The following PLD1 variants were observed in gnomAD, a reference collection of about 807,000 sequenced individuals.
The protein encoded by PLD1 is choline phosphatase 1.
In PLD1, 112 loss-of-function variants were observed where a neutral mutation model predicts 137.1. The observed-to-expected ratio is 0.82, with a 90% CI of 0.70 to 0.96. PLD1 has a LOEUF of 0.96. PLD1 is among the 40% of genes least tolerant of loss of function. The pLI is 0.00. For missense variants in PLD1, 1,321 were observed against 1,342.0 expected (o/e 0.98, Z 0.24); for synonymous variants, 431 against 454.7 (o/e 0.95, Z 0.66).
intron 8 of PLD1, among the ~76,000 whole-genome samples, chr3:171,718,770 G>T (rs557412835): frequency 6.6e-6 from 1 of 152,160 alleles, no homozygotes; most frequent in South Asian, 2.1e-4. Flanking sequence ...ATAACATGAG[G>T]ATAACATAAG....
At chr3:171,803,070 C>T (rs1435921452) in intron 1 of PLD1, among the ~76,000 whole-genome samples, 5 of 151,984 alleles carry the variant, frequency 3.3e-5, no homozygotes, top group Admixed American at 2.6e-4. Context: ...TAAGAAGTTC[C>T]CAGGTGATTT....
chr3:171,644,457 T>C (rs1736021494), intron 22 of PLD1, among the ~76,000 whole-genome samples: 1 of 152,220 alleles, frequency 6.6e-6, no homozygotes, highest in Non-Finnish European at 1.5e-5. Context: ...ATTCCGGGAA[T>C]TTATTTACTA....
At chr3:171,715,222 C>T (rs551738274) in intron 8 of PLD1, among the ~76,000 whole-genome samples, 4 of 152,110 alleles carry the variant, frequency 2.6e-5, no homozygotes, top group Non-Finnish European at 5.9e-5. Flanking sequence ...GTGCACTTTC[C>T]CCAAAGAATG....
In PLD1 at chr3:171,704,018, G is replaced by A. The variant is rs538669969; in HGVS notation, c.1146-4192C>T. Among the ~76,000 whole-genome samples, 3 of 152,312 alleles carry A rather than the reference G, an allele frequency of 2.0e-5. No individual in the cohort carries two copies. The East Asian group carries it at 5.8e-4, about 29-fold the overall frequency. ...AAATAAAAACCCATCTTTCTGGCTAGAAGACTAAAAAGGGAAGCCATGGGA... is the reference window on the plus strand; with the variant it reads ...AAATAAAAACCCATCTTTCTGGCTAAAAGACTAAAAAGGGAAGCCATGGGA... On this transcript the variant is annotated intron_variant, in intron 11 of 26. Transcript: ENST00000351298.
At position 171,738,188 on chromosome 3, in the gene PLD1, C is replaced by T. The variant is rs1719518959; in HGVS notation, c.-31-106G>A. Reference sequence around the variant, plus strand: ...GATACAGCATATGGAAACAATTCAGCCTGCTCTGTGTGAGCCTCAGTTATC... The same window carrying T: ...GATACAGCATATGGAAACAATTCAGTCTGCTCTGTGTGAGCCTCAGTTATC... On this transcript the variant is annotated intron_variant, in intron 1 of 26. Transcript: ENST00000351298. The T allele has an allele frequency of 4.9e-6, 3 of 616,284 alleles. No homozygotes were observed. In the East Asian group the frequency reaches 8.6e-5, roughly 18 times the overall value. The allele number at this position is 616,284 out of a possible 1,614,324, so 38.2% of individuals were successfully genotyped here. A position where few individuals can be genotyped will look rare whatever the true frequency, so the allele number is the denominator to read the frequency against.
intron 1 of PLD1, among the ~76,000 whole-genome samples, chr3:171,746,274 G>C (rs952248558): frequency 6.6e-6 from 1 of 152,222 alleles, no homozygotes; most frequent in Non-Finnish European, 1.5e-5. Context: ...CTCGCAGCGC[G>C]GGACTGGCGG....
At chr3:171,721,478 T>G (rs903479113) in intron 8 of PLD1, 1 of 152,272 alleles carries the variant, frequency 6.6e-6, no homozygotes, top group Non-Finnish European at 1.5e-5. Flanking sequence ...TCTTGGCTGA[T>G]GGCTGCTCCT....
chr3:171,787,109 C>T (rs1341540668), intron 1 of PLD1, among the ~76,000 whole-genome samples: 1 of 152,194 alleles, frequency 6.6e-6, no homozygotes, highest in Non-Finnish European at 1.5e-5. Context: ...GTCAACCAAA[C>T]ATGGTCCCTG....
chr3:171,693,086 T>C (rs1715353708), intron 12 of PLD1, among the ~76,000 whole-genome samples: 2 of 152,152 alleles, frequency 1.3e-5, no homozygotes, highest in South Asian at 2.1e-4. Context: ...TAAAAGAAAA[T>C]AGACAAGGTC....
chr3:171,639,352 A>G (rs1243681805), intron 23 of PLD1, among the ~76,000 whole-genome samples: 1 of 132,592 alleles, frequency 7.5e-6, no homozygotes, highest in Non-Finnish European at 1.5e-5. Context: ...AAAGATATAT[A>G]TGAATATATA....
chr3:171,717,273 AT>A (rs978359270), intron 8 of PLD1, among the ~76,000 whole-genome samples: 1 of 152,214 alleles, frequency 6.6e-6, no homozygotes, highest in Non-Finnish European at 1.5e-5. Flanking sequence ...TGGGAATAGC[AT>A]TGAATCTGTA....
chr3:171,661,943 C>T, intron 20 of PLD1, 117 bp downstream of exon 20: 1 of 568,894 alleles, frequency 1.8e-6, no homozygotes, highest in Non-Finnish European at 3.2e-6. Context: ...CAGCACTTTT[C>T]ACGCCTCAAA....
chr3:171,643,770 T>C (rs530927282), intron 22 of PLD1, among the ~76,000 whole-genome samples: 1 of 152,010 alleles, frequency 6.6e-6, no homozygotes, highest in Non-Finnish European at 1.5e-5. Flanking sequence ...AATCAGATAA[T>C]ATTAGAAATG....
intron 16 of PLD1, among the ~76,000 whole-genome samples, chr3:171,682,168 A>AAAGAAAGAAAGAAAG (rs1241340317): frequency 1.8e-4 from 19 of 105,730 alleles, no homozygotes; most frequent in South Asian, 6.1e-4. Flanking sequence ...AAGAAAGAAA[A>AAAGAAAGAAAGAAAG]AGAAAGAAAG....
rs1472841187 is a variant in PLD1, at chr3:171,612,482, C to T, written c.2729-50G>A. 3 of 1,553,792 alleles carry T rather than the reference C, an allele frequency of 1.9e-6. No individual in the cohort carries two copies. The highest frequency in any genetic ancestry group is 3.4e-5 in the Admixed American group (2 of 59,666). On this transcript the variant is annotated intron_variant, in intron 24 of 26. Transcript: ENST00000351298. This position sits in a 1 kb window ranked among gnomAD's most constrained non-coding sequence, Gnocchi z 4.1. ...AACAACCTTCCTGTTGTGGCAGACA[C>T]TGTTGGTTGCCCTCCCAACTCAATT...
rs567820412 is a variant in PLD1, at chr3:171,683,168, T to G, written c.1867+3517A>C. On this transcript the variant is annotated intron_variant, in intron 16 of 26. Transcript: ENST00000351298. ...GTGGGGCCAAAGATTTGGAGTCCTC[T>G]CCATCTCTCACATCTTGTATCTAGT... Among the ~76,000 whole-genome samples the G allele has an allele frequency of 7.9e-5, 12 of 152,286 alleles. No individual in the cohort carries two copies. The East Asian group carries it at 2.1e-3, about 27-fold the overall frequency.
intron 1 of PLD1, among the ~76,000 whole-genome samples, chr3:171,796,277 A>G (rs907292206): frequency 1.3e-5 from 2 of 152,258 alleles, no homozygotes; most frequent in East Asian, 1.9e-4. Context: ...GATGTAAGAA[A>G]TAGCCAAAGA....
At chr3:171,777,435 T>A (rs1217247344) in intron 1 of PLD1, among the ~76,000 whole-genome samples, 1 of 152,220 alleles carries the variant, frequency 6.6e-6, no homozygotes, top group Non-Finnish European at 1.5e-5. Context: ...AAGCCCTTGA[T>A]GATTTACCTT....
intron 25 of PLD1, among the ~76,000 whole-genome samples, chr3:171,605,661 G>T (rs891481566): frequency 2.0e-5 from 3 of 152,214 alleles, no homozygotes; most frequent in Non-Finnish European, 4.4e-5. Context: ...ACAAGTTTTA[G>T]AAGTGATATT....
Sources: gnomAD v4.1 joint callset for allele counts (sites outside exome capture counted in the v4.1 genomes callset) on GRCh38, gnomAD v4.1.1 for gene constraint, Gnocchi (gnomAD v3.1) non-coding constraint, MANE v1.5 for transcripts, NCBI Gene and HGNC (gene_info 2026-07-23, HGNC 2026-07-21) for gene names.